ZNF544: variants seen among roughly 807,000 people sequenced by gnomAD.
ZNF544 encodes the protein zinc finger protein AF020591.
In ZNF544, 10 loss-of-function variants were observed where a neutral mutation model predicts 13.5. The observed-to-expected ratio is 0.74, with a 90% CI of 0.46 to 1.25. ZNF544 has a LOEUF of 1.25. Among genes scored for constraint, ZNF544 ranks in the 50% most tolerant of loss-of-function variants. The probability of loss-of-function intolerance (pLI) is 0.00; values close to 1 mark genes in which losing one functional copy is unlikely to be tolerated. For missense variants in ZNF544, 896 were observed against 845.6 expected (o/e 1.06, Z -0.74); for synonymous variants, 323 against 300.5 (o/e 1.07, Z -0.77).
At chr19:58,259,606 T>G (rs1485158541) in intron 6 of ZNF544, 2 of 152,276 alleles carry the variant, frequency 1.3e-5, no homozygotes, top group Non-Finnish European at 2.9e-5. Context: ...TCCTGTTGGT[T>G]GCAGCATTCT....
At chr19:58,238,105 T>G (rs1013315831) in intron 3 of ZNF544, among the ~76,000 whole-genome samples, 2 of 152,198 alleles carry the variant, frequency 1.3e-5, no homozygotes, top group Non-Finnish European at 2.9e-5. Context: ...GCTAATTTTG[T>G]ATTTTTGGTA....
intron 6 of ZNF544, among the ~76,000 whole-genome samples, chr19:58,248,282 T>C (rs1452742417): frequency 1.1e-4 from 17 of 148,170 alleles, no homozygotes; most frequent in Non-Finnish European, 1.8e-4. Context: ...TCTTTTTTTT[T>C]TTTTTTTTTT....
At chr19:58,276,333 G>T in exon 6 of ZNF544, 1 of 1,231,516 alleles carries the variant, frequency 8.1e-7, no homozygotes, top group Non-Finnish European at 1.0e-6. Flanking sequence ...AGAAGGGGAT[G>T]CTGCCTGGGA....
downstream of ZNF544, chr19:58,267,024 AT>A: frequency 6.6e-6 from 1 of 152,312 alleles, no homozygotes; most frequent in Non-Finnish European, 1.5e-5. Context: ...GAGAGAAGGT[AT>A]CTAAGACAGC....
rs1568503599 is a variant in ZNF544, at chr19:58,262,391, AAG to A, written c.1787_1788del (p.Arg596AsnfsTer9). 6.2e-7 allele frequency: 1 copy of A among 1,613,926 alleles called. No homozygotes were observed. On this transcript the variant is annotated frameshift_variant, in exon 7 of 7. Coordinates refer to ENST00000687789, the MANE Select transcript of ZNF544 (RefSeq NM_014480.4). LOFTEE classifies it low-confidence loss of function (END_TRUNC). ...SQSYQLVAHKRTHTGEKPYEC... is the reference protein window; with the variant it reads ...SQSYQLVAHKXTHTGEKPYEC... Reference sequence around the variant, plus strand: ...AAAGCTATCAGTTAGTTGCACATAAAAGAACTCACACTGGAGAAAAGCCCTAT... The same window carrying A: ...AAAGCTATCAGTTAGTTGCACATAAAAACTCACACTGGAGAAAAGCCCTAT...
intron 6 of ZNF544, among the ~76,000 whole-genome samples, chr19:58,256,921 A>G (rs1467199761): frequency 6.6e-6 from 1 of 152,196 alleles, no homozygotes; most frequent in East Asian, 1.9e-4. Flanking sequence ...GTAACCAGTT[A>G]GAGTAAAAAC....
chr19:58,266,423 G>C (rs1455271027), downstream of ZNF544, among the ~76,000 whole-genome samples: 1 of 148,644 alleles, frequency 6.7e-6, no homozygotes, highest in Non-Finnish European at 1.5e-5. Context: ...GCTGAGGCAG[G>C]AGAATGGCAT....
intron 6 of ZNF544, chr19:58,259,614 T>G (rs1314448569): frequency 6.6e-6 from 1 of 152,256 alleles, no homozygotes; most frequent in Non-Finnish European, 1.5e-5. Context: ...GTTGCAGCAT[T>G]CTTTCCAGTC....
intron 6 of ZNF544, among the ~76,000 whole-genome samples, chr19:58,255,210 T>C (rs2047020090): frequency 1.4e-5 from 2 of 140,876 alleles, no homozygotes; most frequent in South Asian, 2.3e-4. Flanking sequence ...TTGGTCTTGT[T>C]GCCCAGGCTG....
downstream of ZNF544, among the ~76,000 whole-genome samples, chr19:58,266,235 A>AAAAAC (rs1304231167): frequency 6.8e-6 from 1 of 147,194 alleles, no homozygotes; most frequent in Non-Finnish European, 1.5e-5. Flanking sequence ...AAAAAAAAAA[A>AAAAAC]GGGCTGTGTG....
At chr19:58,234,561 C>G (rs2146528492) in intron 3 of ZNF544, among the ~76,000 whole-genome samples, 1 of 152,356 alleles carries the variant, frequency 6.6e-6, no homozygotes, top group Non-Finnish European at 1.5e-5. Context: ...CTTTTCCTCT[C>G]TTACTGTGTT....
chr19:58,253,541 T>C (rs2046663627), intron 6 of ZNF544, among the ~76,000 whole-genome samples: 1 of 152,210 alleles, frequency 6.6e-6, no homozygotes, highest in African/African-American at 2.4e-5. Flanking sequence ...TGGGTTCAAG[T>C]GATTCTCCTG....
intron 6 of ZNF544, chr19:58,276,436 G>A: frequency 8.2e-7 from 1 of 1,216,000 alleles, no homozygotes; most frequent in Non-Finnish European, 1.0e-6. Context: ...TCAGGTGAGT[G>A]AAGACATCTG....
At chr19:58,270,717 T>A (rs1327621447) in intron 5 of ZNF544, among the ~76,000 whole-genome samples, 1 of 152,194 alleles carries the variant, frequency 6.6e-6, no homozygotes, top group Admixed American at 6.5e-5. Flanking sequence ...CAGCCCCACC[T>A]GCAGATGTGG....
At chr19:58,256,035 C>T (rs575496288) in intron 6 of ZNF544, among the ~76,000 whole-genome samples, 1 of 152,200 alleles carries the variant, frequency 6.6e-6, no homozygotes, top group East Asian at 1.9e-4. Flanking sequence ...AGAAATCTTT[C>T]CGTTTCACCA....
At chr19:58,273,993 C>T (rs1304942288) in intron 5 of ZNF544, among the ~76,000 whole-genome samples, 1 of 151,742 alleles carries the variant, frequency 6.6e-6, no homozygotes, top group Non-Finnish European at 1.5e-5. Flanking sequence ...ACGGGGTTTC[C>T]CCATGTTGGC....
At chr19:58,268,016 C>T (rs545624149), downstream of ZNF544, among the ~76,000 whole-genome samples, 4 of 150,822 alleles carry the variant, frequency 2.7e-5, no homozygotes, top group South Asian at 8.4e-4. Flanking sequence ...AAAAATAAGA[C>T]AGACTGGGCG....
At position 58,256,105 on chromosome 19, in the gene ZNF544, G is replaced by A. The variant is rs141003505; in HGVS notation, c.245-4746G>A. Among the ~76,000 whole-genome samples the A allele has an allele frequency of 1.5e-3, 223 of 152,256 alleles. 1 individual carries two copies. Among genetic ancestry groups the A allele is most frequent in the Middle Eastern group, 0.01 (3 of 294 alleles). On this transcript the variant is annotated intron_variant, in intron 6 of 6. Transcript: ENST00000687789. Reference sequence around the variant, plus strand: ...GCATGCTTATGTGCTGTCCACCAAGGATCCGTAAGTTGGAAAGGGAAAAAG... The same window carrying A: ...GCATGCTTATGTGCTGTCCACCAAGAATCCGTAAGTTGGAAAGGGAAAAAG...
At chr19:58,255,340 C>A (rs1345017018) in intron 6 of ZNF544, among the ~76,000 whole-genome samples, 2 of 151,926 alleles carry the variant, frequency 1.3e-5, no homozygotes, top group Non-Finnish European at 2.9e-5. Context: ...CCATGCCCAG[C>A]CAATTTTTTT....
Sources: gnomAD v4.1 joint callset for allele counts (sites outside exome capture counted in the v4.1 genomes callset) on GRCh38, gnomAD v4.1.1 for gene constraint, MANE v1.5 for transcripts, NCBI Gene and HGNC (gene_info 2026-07-23, HGNC 2026-07-21) for gene names.